ZNF804A: variants seen among roughly 807,000 people sequenced by gnomAD.
ZNF804A encodes zinc finger protein 804A.
A neutral mutation model predicts 16.5 loss-of-function variants in ZNF804A; 2 were observed. That is an observed-to-expected ratio of 0.12 (90% confidence interval 0.05 to 0.38). ZNF804A has a LOEUF of 0.38. Ranked by LOEUF, ZNF804A falls within the 10% of genes least tolerant of loss-of-function variation. The pLI, the probability that ZNF804A is intolerant of heterozygous loss-of-function variation, is 0.99. For missense variants in ZNF804A, 1,473 were observed against 1,390.7 expected, an observed-to-expected ratio of 1.06 and a Z score of -0.94; for synonymous variants, 534 against 489.6, an observed-to-expected ratio of 1.09 and a Z score of -1.20.
At chr2:184,840,260 C>G (rs1438153832) in intron 1 of ZNF804A, among the ~76,000 whole-genome samples, 1 of 152,022 alleles carries the variant, frequency 6.6e-6, no homozygotes, top group Non-Finnish European at 1.5e-5. Context: ...CATGGTGGCA[C>G]CCACCTGTAA....
chr2:184,850,591 TTTC>T (rs1695586902), intron 1 of ZNF804A, among the ~76,000 whole-genome samples: 1 of 151,698 alleles, frequency 6.6e-6, no homozygotes, highest in South Asian at 2.1e-4. Flanking sequence ...TTTCTCTTTC[TTTC>T]TTTTTTTTTT....
chr2:184,913,454 T>C (rs1685395047), intron 2 of ZNF804A, among the ~76,000 whole-genome samples: 1 of 152,164 alleles, frequency 6.6e-6, no homozygotes, highest in African/African-American at 2.4e-5. Context: ...GCAAGTCCAC[T>C]AGCAACAACT....
chr2:184,737,409 C>T (rs993290974), intron 1 of ZNF804A, among the ~76,000 whole-genome samples: 1 of 152,002 alleles, frequency 6.6e-6, no homozygotes, highest in Non-Finnish European at 1.5e-5. Flanking sequence ...TAGTGTTGAA[C>T]TTTGTCACGT....
chr2:184,852,229 T>TTCTCTC (rs10618125), intron 1 of ZNF804A, among the ~76,000 whole-genome samples: 143 of 134,744 alleles, frequency 1.1e-3, no homozygotes, highest in Middle Eastern at 7.4e-3. Flanking sequence ...TGCGGTCTCT[T>TTCTCTC]TCTCTCTCTC....
intron 1 of ZNF804A, among the ~76,000 whole-genome samples, chr2:184,632,818 A>G (rs771334654): frequency 6.6e-6 from 1 of 152,192 alleles, no homozygotes. Flanking sequence ...TTCCTTCCCT[A>G]TCTGGCCAGA....
At position 184,650,116 on chromosome 2, in the gene ZNF804A, C is replaced by G. The variant is rs538521961; in HGVS notation, c.111+51046C>G. On this transcript the variant is annotated intron_variant, in intron 1 of 3. Coordinates refer to ENST00000302277, the MANE Select transcript of ZNF804A (RefSeq NM_194250.2). ...CATCAAAAAGTTAATTCACTATGAT[C>G]AAGTAGGCTTCATTCCTGGGATTCA... 7.2e-5 allele frequency among the ~76,000 whole-genome samples: 11 copies of G among 152,218 alleles called. 1 individual carries two copies. In the South Asian group the frequency reaches 2.3e-3, roughly 32 times the overall value.
intron 1 of ZNF804A, among the ~76,000 whole-genome samples, chr2:184,691,282 C>T (rs1003287659): frequency 9.9e-5 from 15 of 151,950 alleles, no homozygotes; most frequent in Admixed American, 6.6e-5. Context: ...TTGCCTATCT[C>T]TTTTTTCTAG....
intron 1 of ZNF804A, among the ~76,000 whole-genome samples, chr2:184,777,104 G>A (rs1243800255): frequency 6.6e-6 from 1 of 151,388 alleles, no homozygotes; most frequent in Admixed American, 6.6e-5. Flanking sequence ...CTCTGTCTTT[G>A]TTTTTGTCCC....
In ZNF804A at chr2:184,619,060, G is replaced by T. The variant is rs10201143; in HGVS notation, c.111+19990G>T. On this transcript the variant is annotated intron_variant, in intron 1 of 3. Coordinates refer to ENST00000302277, the MANE Select transcript of ZNF804A (RefSeq NM_194250.2). ...CTGGCTTTGCTGCAGGGAATGGGAG[G>T]GAGCAGGGAGGAGAAAAACACCTTG... is the stretch of plus-strand genomic sequence containing the variant. Among the ~76,000 whole-genome samples the T allele has an allele frequency of 5.6e-3, 854 of 152,072 alleles. 4 individuals are homozygous for T. The highest frequency in any genetic ancestry group is 0.018 in the African/African-American group (767 of 41,492).
intron 1 of ZNF804A, among the ~76,000 whole-genome samples, chr2:184,808,630 G>A (rs1459403222): frequency 1.3e-5 from 2 of 150,878 alleles, no homozygotes; most frequent in Admixed American, 1.3e-4. Context: ...CTTAATTTGT[G>A]CACTAATACA....
intron 1 of ZNF804A, among the ~76,000 whole-genome samples, chr2:184,827,868 A>G (rs889130859): frequency 5.3e-5 from 8 of 151,730 alleles, no homozygotes; most frequent in Non-Finnish European, 1.2e-4. Context: ...GGCTGTTTAC[A>G]CGTTGATATT....
chr2:184,936,066 G>A lies in ZNF804A; in HGVS notation c.670G>A (p.Val224Met), dbSNP rs369895198. The change falls in exon 4 of 4, where the codon GTG becomes ATG. Residue 224 changes from valine (V) to methionine (M), a missense_variant. Val to Met is a conservative substitution (Grantham distance 21, BLOSUM62 1). Coordinates refer to ENST00000302277, the MANE Select transcript of ZNF804A (RefSeq NM_194250.2). ...TTTTGCATTTCCAAAGAAAGCGTCC[G>A]TGAAGCTAGAGTCCTCAGCTGCAGC... ...FSFAFPKKASVKLESSAAAFS... is the reference protein window; with the variant it reads ...FSFAFPKKASMKLESSAAAFS... 151 of 1,613,914 alleles carry A rather than the reference G, an allele frequency of 9.4e-5. No individual in the cohort carries two copies. Among genetic ancestry groups the A allele is most frequent in the Non-Finnish European group, 1.1e-4 (132 of 1,179,968 alleles).
intron 1 of ZNF804A, among the ~76,000 whole-genome samples, chr2:184,625,305 G>A (rs1180416823): frequency 1.3e-5 from 2 of 152,064 alleles, no homozygotes; most frequent in Non-Finnish European, 2.9e-5. Context: ...CTATCATTAA[G>A]CATTTTATTA....
chr2:184,707,063 G>T (rs936202151), intron 1 of ZNF804A, among the ~76,000 whole-genome samples: 119 of 152,252 alleles, frequency 7.8e-4, no homozygotes, highest in African/African-American at 2.7e-3. Flanking sequence ...ATTCAAGGCT[G>T]CCAATTGTCT....
At chr2:184,666,750 G>T (rs1473631677) in intron 1 of ZNF804A, among the ~76,000 whole-genome samples, 1 of 151,866 alleles carries the variant, frequency 6.6e-6, no homozygotes, top group Admixed American at 6.6e-5. Flanking sequence ...TTGCCTTCAC[G>T]GTATTATCAT....
chr2:184,852,565 A>G (rs1467153712), intron 1 of ZNF804A, among the ~76,000 whole-genome samples: 1 of 118,776 alleles, frequency 8.4e-6, no homozygotes, highest in African/African-American at 3.3e-5. Flanking sequence ...TTTTGTTTTT[A>G]GCAGTTTTAC....
intron 1 of ZNF804A, among the ~76,000 whole-genome samples, chr2:184,606,366 C>A (rs899167634): frequency 6.6e-6 from 1 of 152,022 alleles, no homozygotes; most frequent in Non-Finnish European, 1.5e-5. Flanking sequence ...ATGCCAGATG[C>A]GTATACAATT....
In ZNF804A at chr2:184,759,875, C is replaced by T. The variant is rs563775133; in HGVS notation, c.112-106494C>T. Among the ~76,000 whole-genome samples the T allele has an allele frequency of 4.6e-5, 7 of 152,186 alleles. No individual in the cohort carries two copies. In the East Asian group the frequency reaches 1.4e-3, roughly 30 times the overall value. On this transcript the variant is annotated intron_variant, in intron 1 of 3. Coordinates refer to ENST00000302277, the MANE Select transcript of ZNF804A (RefSeq NM_194250.2). ...TGACTGTAATTTTCCTTTACCTACC[C>T]AAATCCTATAAAACAGCCCCACCTC...
chr2:184,917,116 A>G (rs1257691227), intron 2 of ZNF804A, among the ~76,000 whole-genome samples: 1 of 152,184 alleles, frequency 6.6e-6, no homozygotes, highest in Non-Finnish European at 1.5e-5. Context: ...CAATATATAG[A>G]TACCATGGAC....
Sources: gnomAD v4.1 joint callset for allele counts (sites outside exome capture counted in the v4.1 genomes callset) on GRCh38, gnomAD v4.1.1 for gene constraint, MANE v1.5 for transcripts, NCBI Gene and HGNC (gene_info 2026-07-23, HGNC 2026-07-21) for gene names.